The following HCN1 variants were observed in gnomAD, a reference collection of about 807,000 sequenced individuals.
HCN1 encodes the protein hyperpolarization activated cyclic nucleotide gated potassium channel 1.
In HCN1, 13 loss-of-function variants were observed where a neutral mutation model predicts 78.9. The observed-to-expected ratio is 0.16, with a 90% CI of 0.11 to 0.26. HCN1 has a LOEUF of 0.26. Among genes scored for constraint, HCN1 ranks in the 10% least tolerant of loss-of-function variants. HCN1 has a pLI of 1.00. For missense variants in HCN1, 810 were observed against 1,154.3 expected, an observed-to-expected ratio of 0.70 and a Z score of 4.32; for synonymous variants, 552 against 455.5, an observed-to-expected ratio of 1.21 and a Z score of -2.70.
At chr5:45,657,573 T>G (rs1745799333) in intron 1 of HCN1, among the ~76,000 whole-genome samples, 1 of 152,146 alleles carries the variant, frequency 6.6e-6, no homozygotes, top group South Asian at 2.1e-4. Context: ...ATTTGCACAT[T>G]TTGGCTCACT....
intron 6 of HCN1, among the ~76,000 whole-genome samples, chr5:45,290,150 G>T (rs1745342431): frequency 6.6e-6 from 1 of 151,952 alleles, no homozygotes; most frequent in African/African-American, 2.4e-5. Context: ...TGTCTTGCCT[G>T]CCACCATGTA....
intron 7 of HCN1, among the ~76,000 whole-genome samples, chr5:45,264,677 A>G (rs1744818289): frequency 6.6e-6 from 1 of 152,202 alleles, no homozygotes; most frequent in African/African-American, 2.4e-5. Context: ...GCATACATCT[A>G]TATGCAATGG....
At chr5:45,374,131 T>TATTATATACATAATATATATAATATAC (rs1747529146) in intron 4 of HCN1, among the ~76,000 whole-genome samples, 3 of 111,124 alleles carry the variant, frequency 2.7e-5, no homozygotes, top group Non-Finnish European at 3.4e-5. Flanking sequence ...ATATAATATA[T>TATTATATACATAATATATATAATATAC]ATTATATACA....
At chr5:45,275,784 A>C (rs1422062354) in intron 6 of HCN1, among the ~76,000 whole-genome samples, 1 of 152,174 alleles carries the variant, frequency 6.6e-6, no homozygotes, top group African/African-American at 2.4e-5. Flanking sequence ...TTGTGATTGT[A>C]ACAAAAATAA....
At position 45,527,667 on chromosome 5, in the gene HCN1, C is replaced by T. The variant is rs374652135; in HGVS notation, c.850-65660G>A. ...ACACTGACATTCACATCCTTTCCTA[C>T]ACAGACTGAGATAGATACTCTTCTT... On this transcript the variant is annotated intron_variant, in intron 2 of 7. Transcript: ENST00000303230. Among the ~76,000 whole-genome samples the T allele has an allele frequency of 1.7e-3, 261 of 151,954 alleles. 1 individual carries two copies. The highest frequency in any genetic ancestry group is 6.1e-3 in the African/African-American group (252 of 41,498).
intron 5 of HCN1, among the ~76,000 whole-genome samples, chr5:45,308,837 T>C (rs1325950351): frequency 6.6e-6 from 1 of 152,180 alleles, no homozygotes; most frequent in Non-Finnish European, 1.5e-5. Context: ...TAGGATTGTC[T>C]TGGCTATTTG....
chr5:45,409,878 A>T (rs1364087243), intron 3 of HCN1, among the ~76,000 whole-genome samples: 1 of 151,658 alleles, frequency 6.6e-6, no homozygotes, highest in East Asian at 1.9e-4. Context: ...CAGATTACCC[A>T]ACTTTATTCA....
intron 2 of HCN1, among the ~76,000 whole-genome samples, chr5:45,466,709 T>C (rs1383960695): frequency 1.3e-5 from 2 of 152,216 alleles, no homozygotes; most frequent in African/African-American, 4.8e-5. Flanking sequence ...TAATCAATGG[T>C]AAAATAAATA....
At position 45,517,520 on chromosome 5, in the gene HCN1, TAAAAAA is replaced by T. The variant is rs773490588; in HGVS notation, c.850-55519_850-55514del. Among the ~76,000 whole-genome samples, 8 of 94,382 alleles carry T rather than the reference TAAAAAA, an allele frequency of 8.5e-5. No individual in the cohort carries two copies. The East Asian group carries it at 2.6e-3, about 31-fold the overall frequency. The allele number at this position is 94,382 out of a possible 152,430, so 61.9% of individuals were successfully genotyped here. A position where few individuals can be genotyped will look rare whatever the true frequency, so the allele number is the denominator to read the frequency against. On this transcript the variant is annotated intron_variant, in intron 2 of 7. Transcript: ENST00000303230. ...AGAGATTGTATTCCCAATTTCCCCT[TAAAAAA>T]AAAAAAAAAAAAAAAAAACATGATT...
chr5:45,679,312 A>G (rs1162637736), intron 1 of HCN1, among the ~76,000 whole-genome samples: 1 of 152,018 alleles, frequency 6.6e-6, no homozygotes, highest in Admixed American at 6.6e-5. Flanking sequence ...AGAAATAAAG[A>G]CACCTGGACT....
At chr5:45,577,264 C>A (rs1388212149) in intron 2 of HCN1, among the ~76,000 whole-genome samples, 1 of 151,918 alleles carries the variant, frequency 6.6e-6, no homozygotes, top group Non-Finnish European at 1.5e-5. Flanking sequence ...ACATATGCAT[C>A]AATTGCTAGA....
intron 2 of HCN1, among the ~76,000 whole-genome samples, chr5:45,638,533 C>G (rs188371446): frequency 6.6e-6 from 1 of 152,126 alleles, no homozygotes; most frequent in African/African-American, 2.4e-5. Flanking sequence ...GGGCGCTGAC[C>G]AAAGAGCATT....
chr5:45,593,221 CACACACACACACAG>C (rs958397438), intron 2 of HCN1, among the ~76,000 whole-genome samples: 29 of 146,032 alleles, frequency 2.0e-4, no homozygotes, highest in South Asian at 2.2e-4. Flanking sequence ...CGCACACACA[CACACACACACACAG>C]ACACACACAA....
intron 6 of HCN1, among the ~76,000 whole-genome samples, chr5:45,301,806 T>C (rs947240720): frequency 6.6e-5 from 10 of 151,170 alleles, no homozygotes; most frequent in Non-Finnish European, 1.5e-4. Flanking sequence ...AAATCTTTAA[T>C]GCCCTAAGAA....
intron 2 of HCN1, among the ~76,000 whole-genome samples, chr5:45,495,713 T>A (rs1046914144): frequency 1.3e-5 from 2 of 152,178 alleles, no homozygotes; most frequent in African/African-American, 4.8e-5. Flanking sequence ...TTTTTGCCCA[T>A]TCACTATGAT....
chr5:45,268,789 T>C (rs1744908841), intron 6 of HCN1, among the ~76,000 whole-genome samples: 1 of 152,174 alleles, frequency 6.6e-6, no homozygotes, highest in Non-Finnish European at 1.5e-5. Context: ...TGCCTGAATA[T>C]GTGTGTGTGT....
rs991636271 is a variant in HCN1, at chr5:45,649,545, C to T, written c.426-3937G>A. Among the ~76,000 whole-genome samples the T allele has an allele frequency of 7.2e-5, 11 of 151,850 alleles. No individual in the cohort carries two copies. The East Asian group carries it at 2.1e-3, about 29-fold the overall frequency. On this transcript the variant is annotated intron_variant, in intron 1 of 7. Transcript: ENST00000303230. ...TTCACTGCCCTAAAAATCACATGTG[C>T]TTTTCCTATTCATCCTTCTTTCACC...
intron 6 of HCN1, among the ~76,000 whole-genome samples, chr5:45,288,291 C>T (rs1194691124): frequency 1.3e-5 from 2 of 151,988 alleles, no homozygotes; most frequent in South Asian, 2.1e-4. Context: ...AGTGCTTGGC[C>T]TTGAAAACAC....
chr5:45,606,328 T>C (rs1280227663), intron 2 of HCN1, among the ~76,000 whole-genome samples: 1 of 151,892 alleles, frequency 6.6e-6, no homozygotes, highest in Non-Finnish European at 1.5e-5. Context: ...TATATATGTA[T>C]ATCATGTCTA....
Sources: allele counts gnomAD v4.1 joint callset (sites outside exome capture counted in the v4.1 genomes callset), GRCh38; gene constraint gnomAD v4.1.1; transcripts MANE v1.5; gene names NCBI Gene and HGNC (gene_info 2026-07-23, HGNC 2026-07-21).